Variants in BABAM2 observed in about 807,000 individuals in gnomAD.
The protein encoded by BABAM2 is BRISC and BRCA1 A complex member 2.
A neutral mutation model predicts 54.7 loss-of-function variants in BABAM2; 31 were observed. The observed-to-expected ratio is 0.57, with a 90% CI of 0.43 to 0.77. The LOEUF (loss-of-function observed/expected upper bound fraction) is 0.77. BABAM2 is among the 30% of genes least tolerant of loss of function. The probability of loss-of-function intolerance (pLI) is 0.00; values close to 1 mark genes in which losing one functional copy is unlikely to be tolerated. For synonymous variants in BABAM2, 167 were observed against 162.9 expected, an observed-to-expected ratio of 1.03 and a Z score of -0.19; for missense variants, 364 against 455.8, an observed-to-expected ratio of 0.80 and a Z score of 1.83.
chr2:28,232,644 T>C (rs1479857980), intron 7 of BABAM2, among the ~76,000 whole-genome samples: 1 of 152,194 alleles, frequency 6.6e-6, no homozygotes. Flanking sequence ...CTACAGGCAA[T>C]TGTAACACAA....
At chr2:28,033,800 G>GTTTT (rs11399848) in intron 5 of BABAM2, among the ~76,000 whole-genome samples, 1 of 148,512 alleles carries the variant, frequency 6.7e-6, no homozygotes. Flanking sequence ...TGATTAAAGT[G>GTTTT]TTTTTTTTTT....
At chr2:27,928,919 A>G (rs1171642541) in intron 2 of BABAM2, among the ~76,000 whole-genome samples, 1 of 151,830 alleles carries the variant, frequency 6.6e-6, no homozygotes, top group African/African-American at 2.4e-5. Flanking sequence ...ATAGATTAAA[A>G]AAAAAAAAAC....
intron 6 of BABAM2, among the ~76,000 whole-genome samples, chr2:28,089,494 C>T (rs1665976126): frequency 6.6e-6 from 1 of 152,086 alleles, no homozygotes; most frequent in East Asian, 1.9e-4. Flanking sequence ...GATTTTGGGC[C>T]AGAACCTAAG....
chr2:28,155,425 C>A (rs1224645364), intron 7 of BABAM2, among the ~76,000 whole-genome samples: 4 of 151,920 alleles, frequency 2.6e-5, no homozygotes, highest in Admixed American at 6.6e-5. Context: ...AATAATTGAT[C>A]GATAGAGAGG....
chr2:28,135,752 A>G (rs1411366816), intron 7 of BABAM2, among the ~76,000 whole-genome samples: 7 of 152,244 alleles, frequency 4.6e-5, no homozygotes, highest in Non-Finnish European at 1.5e-5. Flanking sequence ...TCATGCCCCT[A>G]TTAGCCAGCC....
chr2:28,057,391 A>G (rs1405955631), intron 6 of BABAM2, among the ~76,000 whole-genome samples: 1 of 152,156 alleles, frequency 6.6e-6, no homozygotes, highest in Non-Finnish European at 1.5e-5. Context: ...TCCGTTTATG[A>G]GGGAAGCCTT....
intron 7 of BABAM2, chr2:28,233,135 C>T (rs1310292804): frequency 4.3e-6 from 2 of 463,698 alleles, no homozygotes; most frequent in African/African-American, 4.0e-5. Flanking sequence ...ACCCTTTTCT[C>T]CTCCCAGGTT....
intron 7 of BABAM2, among the ~76,000 whole-genome samples, chr2:28,214,409 G>C (rs190716878): frequency 6.6e-6 from 1 of 151,964 alleles, no homozygotes; most frequent in African/African-American, 2.4e-5. Flanking sequence ...ATAGTAATAC[G>C]ATTAACTTTT....
At chr2:27,956,071 G>C (rs1670059730) in intron 3 of BABAM2, among the ~76,000 whole-genome samples, 1 of 151,840 alleles carries the variant, frequency 6.6e-6, no homozygotes, top group South Asian at 2.1e-4. Context: ...CCTCATGCAT[G>C]AATTATTTTA....
chr2:27,969,956 G>GAGT (rs985442895), intron 3 of BABAM2, among the ~76,000 whole-genome samples: 1 of 152,152 alleles, frequency 6.6e-6, no homozygotes, highest in African/African-American at 2.4e-5. Context: ...AGGACGAAGG[G>GAGT]AGTATGGTGG....
intron 1 of BABAM2, chr2:27,891,044 A>G (rs2305929): frequency 0.14 from 21,976 of 152,250 alleles, 1,922 homozygotes; most frequent in Middle Eastern, 0.26. Flanking sequence ...CTTTCTCCAT[A>G]TCTGGCCCAT....
chr2:28,278,674 A>G (rs928157387), intron 10 of BABAM2, among the ~76,000 whole-genome samples: 1 of 152,196 alleles, frequency 6.6e-6, no homozygotes, highest in African/African-American at 2.4e-5. Context: ...TAGAATTCCC[A>G]CAGGATGAAT....
At chr2:28,227,799 C>T (rs1465244103) in intron 7 of BABAM2, among the ~76,000 whole-genome samples, 2 of 152,166 alleles carry the variant, frequency 1.3e-5, no homozygotes, top group African/African-American at 2.4e-5. Flanking sequence ...CCACCTGCAT[C>T]CACTAAGGAA....
At chr2:28,276,532 C>A (rs964510184) in intron 10 of BABAM2, among the ~76,000 whole-genome samples, 4 of 152,118 alleles carry the variant, frequency 2.6e-5, no homozygotes, top group African/African-American at 9.7e-5. Flanking sequence ...ACCTGTGATC[C>A]ACGCTGGGTA....
intron 10 of BABAM2, among the ~76,000 whole-genome samples, chr2:28,275,247 C>T (rs559382907): frequency 6.6e-6 from 1 of 152,338 alleles, no homozygotes; most frequent in East Asian, 1.9e-4. Context: ...GCTGAAACAG[C>T]AGTGGAAACT....
At position 28,189,355 on chromosome 2, in the gene BABAM2, G is replaced by T. The variant is rs1246461659; in HGVS notation, c.681-47847G>T. Among the ~76,000 whole-genome samples, 3 of 152,288 alleles carry T rather than the reference G, an allele frequency of 2.0e-5. No homozygotes were observed. In the East Asian group the frequency reaches 5.8e-4, roughly 29 times the overall value. On this transcript the variant is annotated intron_variant, in intron 7 of 11. Transcript: ENST00000379624. ...CAAGAAAGAATTAAAGAATACAGCA[G>T]CATATAAAAAATTATTTAAGTTTTG...
At chr2:28,240,870 C>A (rs1418596739) in intron 8 of BABAM2, among the ~76,000 whole-genome samples, 109 of 109,060 alleles carry the variant, frequency 1.0e-3, no homozygotes, top group African/African-American at 1.6e-3. Flanking sequence ...GACTCTGTCT[C>A]AAAAAAAAAA....
intron 6 of BABAM2, among the ~76,000 whole-genome samples, chr2:28,046,741 T>C (rs1012146256): frequency 2.0e-5 from 3 of 151,942 alleles, no homozygotes; most frequent in Non-Finnish European, 4.4e-5. Context: ...GAATATAAAC[T>C]ATAAACCATA....
intron 7 of BABAM2, among the ~76,000 whole-genome samples, chr2:28,148,730 T>C (rs892010636): frequency 6.6e-6 from 1 of 152,182 alleles, no homozygotes; most frequent in African/African-American, 2.4e-5. Flanking sequence ...AAACAAGAGC[T>C]GTACTGTCAC....
Sources: allele counts gnomAD v4.1 joint callset (sites outside exome capture counted in the v4.1 genomes callset), GRCh38; gene constraint gnomAD v4.1.1; transcripts MANE v1.5; gene names NCBI Gene and HGNC (gene_info 2026-07-23, HGNC 2026-07-21).